FAM227B: variants seen among roughly 807,000 people sequenced by gnomAD.
FAM227B encodes protein FAM227B.
A neutral mutation model predicts 73.8 loss-of-function variants in FAM227B; 88 were observed. That is an observed-to-expected ratio of 1.19 (90% CI 1.00 to 1.42). FAM227B has a LOEUF of 1.42. Among genes scored for constraint, FAM227B ranks in the 40% most tolerant of loss-of-function variants. FAM227B has a pLI of 0.00. For missense variants in FAM227B, 632 were observed against 590.9 expected (o/e 1.07, Z -0.72); for synonymous variants, 210 against 190.5 (o/e 1.10, Z -0.84).
chr15:49,431,533 GAA>G (rs930238255), intron 11 of FAM227B, among the ~76,000 whole-genome samples: 1 of 151,556 alleles, frequency 6.6e-6, no homozygotes, highest in African/African-American at 2.4e-5. Context: ...ATTCTCAGAG[GAA>G]AAAAATTTGA....
rs188478065 is a variant in FAM227B at position 49,612,959 on chromosome 15, T to C, written c.52-1691A>G. ...TAGTGAGAGTCAAAAAATTAAACAA[T>C]TGAACTCATGGAGATAGAGATAGAA... On this transcript the variant is annotated intron_variant, in intron 2 of 15. Coordinates refer to ENST00000299338, the MANE Select transcript of FAM227B (RefSeq NM_152647.3). Among the ~76,000 whole-genome samples, 5 of 152,056 alleles carry C rather than the reference T, an allele frequency of 3.3e-5. No individual in the cohort carries two copies. In the South Asian group the frequency reaches 6.2e-4, roughly 19 times the overall value.
Position 49,389,935 on chromosome 15 carries a change from C to T in FAM227B, c.1013-18536G>A, listed in dbSNP as rs145028403. On this transcript the variant is annotated intron_variant, in intron 11 of 15. Coordinates refer to ENST00000299338, the MANE Select transcript of FAM227B (RefSeq NM_152647.3). ...GCAATGTCATAGACTCAGTTCTGGC[C>T]GTATTTTCTATGTCAACATAACTCA... Among the ~76,000 whole-genome samples the T allele has an allele frequency of 7.1e-3, 1,074 of 152,064 alleles. 23 individuals carry two copies. Among genetic ancestry groups the T allele is most frequent in the African/African-American group, 0.025 (1,035 of 41,492 alleles).
chr15:49,496,440 T>C (rs1175900392), intron 11 of FAM227B, among the ~76,000 whole-genome samples: 1 of 152,158 alleles, frequency 6.6e-6, no homozygotes, highest in Admixed American at 6.5e-5. Context: ...TAAATGGTAT[T>C]GTACCACAAT....
intron 9 of FAM227B, among the ~76,000 whole-genome samples, chr15:49,544,186 T>A (rs1032487401): frequency 2.6e-5 from 4 of 152,186 alleles, no homozygotes; most frequent in Admixed American, 1.3e-4. Flanking sequence ...GTTTTATAGT[T>A]TTCCTTGTAG....
At chr15:49,600,640 G>A (rs184494627) in intron 3 of FAM227B, among the ~76,000 whole-genome samples, 54 of 144,198 alleles carry the variant, frequency 3.7e-4, no homozygotes, top group Admixed American at 2.2e-3. Flanking sequence ...GGGTGACAGA[G>A]CAAGACCACA....
chr15:49,428,092 T>C (rs573735414), intron 11 of FAM227B, among the ~76,000 whole-genome samples: 1 of 151,960 alleles, frequency 6.6e-6, no homozygotes, highest in South Asian at 2.1e-4. Context: ...ATAAGAACTA[T>C]GAAGATGGGG....
intron 3 of FAM227B, among the ~76,000 whole-genome samples, chr15:49,591,693 G>A (rs1196393922): frequency 5.9e-5 from 9 of 151,700 alleles, no homozygotes; most frequent in Admixed American, 5.3e-4. Context: ...CACTATGTTG[G>A]CCAGGCTGGT....
chr15:49,612,139 C>T (rs1032024089), intron 2 of FAM227B, among the ~76,000 whole-genome samples: 4 of 150,818 alleles, frequency 2.7e-5, no homozygotes, highest in East Asian at 2.0e-4. Flanking sequence ...ATGTGTACAA[C>T]GTGCAGGTCT....
At chr15:49,509,123 A>AC (rs2058792433) in intron 10 of FAM227B, among the ~76,000 whole-genome samples, 1 of 152,136 alleles carries the variant, frequency 6.6e-6, no homozygotes, top group Non-Finnish European at 1.5e-5. Flanking sequence ...CATAGGAGCT[A>AC]CCCCTATCTG....
chr15:49,489,835 T>G (rs2056810904), intron 11 of FAM227B, among the ~76,000 whole-genome samples: 5 of 34,644 alleles, frequency 1.4e-4, no homozygotes, highest in Admixed American at 5.5e-4. Flanking sequence ...TATATATATA[T>G]ATATTTTATA....
At chr15:49,404,892 G>GT (rs1322006132) in intron 11 of FAM227B, among the ~76,000 whole-genome samples, 1 of 152,096 alleles carries the variant, frequency 6.6e-6, no homozygotes, top group African/African-American at 2.4e-5. Context: ...GCTGGCAATG[G>GT]TTTTTCCCGT....
intron 11 of FAM227B, among the ~76,000 whole-genome samples, chr15:49,456,822 A>AATCAG (rs1039479774): frequency 1.3e-5 from 2 of 152,148 alleles, no homozygotes; most frequent in Admixed American, 6.5e-5. Context: ...GAGTTGTGAG[A>AATCAG]ATCAGTGGCA....
At chr15:49,519,192 C>G (rs890127757) in intron 10 of FAM227B, among the ~76,000 whole-genome samples, 1 of 152,178 alleles carries the variant, frequency 6.6e-6, no homozygotes, top group Non-Finnish European at 1.5e-5. Flanking sequence ...TTGGGCAGCT[C>G]CACCCCTGTG....
intron 10 of FAM227B, among the ~76,000 whole-genome samples, chr15:49,509,919 A>G (rs895545331): frequency 6.6e-6 from 1 of 152,166 alleles, no homozygotes; most frequent in Non-Finnish European, 1.5e-5. Flanking sequence ...TTCATTTTAT[A>G]AAATTTATAC....
chr15:49,480,960 G>C (rs1401658957), intron 11 of FAM227B, among the ~76,000 whole-genome samples: 1 of 152,140 alleles, frequency 6.6e-6, no homozygotes. Flanking sequence ...TTTTACAATT[G>C]TTCTGTAAAA....
chr15:49,565,211 G>A (rs959763541), intron 9 of FAM227B, among the ~76,000 whole-genome samples: 4 of 151,766 alleles, frequency 2.6e-5, no homozygotes, highest in South Asian at 2.1e-4. Flanking sequence ...GTGAAACCCC[G>A]TCTCTACTAA....
At chr15:49,362,870 T>C (rs1047862454) in intron 13 of FAM227B, among the ~76,000 whole-genome samples, 18 of 152,182 alleles carry the variant, frequency 1.2e-4, no homozygotes. Context: ...GCACCATTTA[T>C]TGAATAGGGA....
intron 11 of FAM227B, among the ~76,000 whole-genome samples, chr15:49,476,212 G>GTTTTTTTTTTTTTTTTTTT (rs1567351529): frequency 1.2e-5 from 1 of 81,254 alleles, no homozygotes; most frequent in Non-Finnish European, 3.3e-5. Context: ...TTATTTTGCT[G>GTTTTTTTTTTTTTTTTTTT]TTTTGTTTTT....
rs182022714 is a variant in FAM227B, at chr15:49,329,238, T to C, written c.1420-563A>G. On this transcript the variant is annotated intron_variant, in intron 15 of 15. Transcript: ENST00000299338. ...AATGGTATTGATGGGTATCTCTGTA[T>C]GTATATCAAGAGTGGGCAGAAATGT... 316 of 985,766 alleles carry C rather than the reference T, an allele frequency of 3.2e-4. 1 individual carries two copies. In the African/African-American group the frequency reaches 4.2e-3, roughly 13 times the overall value. 61.1% of individuals were successfully genotyped at this position (985,766 alleles called of 1,614,324 possible).
Sources: gnomAD v4.1 joint callset for allele counts (sites outside exome capture counted in the v4.1 genomes callset) on GRCh38, gnomAD v4.1.1 for gene constraint, MANE v1.5 for transcripts, NCBI Gene and HGNC (gene_info 2026-07-23, HGNC 2026-07-21) for gene names.